Variants in RARA observed in about 807,000 individuals in gnomAD.
RARA encodes retinoic acid receptor alpha.
Under a neutral mutation model 42.8 loss-of-function variants are expected in RARA, and 5 were observed. That is an observed-to-expected ratio of 0.12 (90% confidence interval 0.06 to 0.25). The LOEUF is 0.25. RARA is among the 10% of genes least tolerant of loss of function. The pLI is 1.00. For synonymous variants in RARA, 256 were observed against 259.5 expected (o/e 0.99, Z 0.13); for missense variants, 402 against 628.7 (o/e 0.64, Z 3.86).
chr17:40,342,660 C>T (rs770589965), intron 2 of RARA: 5 of 1,566,698 alleles, frequency 3.2e-6, no homozygotes, highest in Non-Finnish European at 4.3e-6. Flanking sequence ...ACGGGGGCGG[C>T]GCGCAGGACT....
At chr17:40,350,954 A>ACCCCTTCTCCCTCCCACCGCCAACT (rs1231704848) in intron 4 of RARA, among the ~76,000 whole-genome samples, 2 of 148,956 alleles carry the variant, frequency 1.3e-5, no homozygotes, top group Non-Finnish European at 3.0e-5. Flanking sequence ...CAGGGAGGGG[A>ACCCCTTCTCCCTCCCACCGCCAACT]CCCCTTCTCC....
At chr17:40,331,445 C>T (rs750572564) in intron 2 of RARA, 49 bp downstream of exon 2, 232 of 1,573,226 alleles carry the variant, frequency 1.5e-4, no homozygotes, top group Non-Finnish European at 1.9e-4. Context: ...TGGAGGGTGG[C>T]AGGCCTCAGA....
chr17:40,323,343 G>C (rs1173206226), intron 1 of RARA: 1 of 152,262 alleles, frequency 6.6e-6, no homozygotes, highest in Admixed American at 6.5e-5. Flanking sequence ...GGGAACCTCT[G>C]TGCTCCCTAT....
chr17:40,346,236 C>T (rs2034261439), intron 2 of RARA, among the ~76,000 whole-genome samples: 1 of 152,172 alleles, frequency 6.6e-6, no homozygotes, highest in Non-Finnish European at 1.5e-5. Flanking sequence ...GGCCTTAGAG[C>T]TGTTTACCTC....
At position 40,355,235 on chromosome 17, in the gene RARA, T is replaced by TG. The variant is rs1325192613; in HGVS notation, c.1013-27dup. 2.6e-6 allele frequency: 4 copies of TG among 1,545,162 alleles called. No homozygotes were observed. Among genetic ancestry groups the TG allele is most frequent in the African/African-American group, 1.4e-5 (1 of 72,938 alleles). Reference sequence around the variant, plus strand: ...CTGGGGGTGCAGCTGTGTTCCCAGCTGCTCAGGGGGTGGTTCTGCTTCCTC... The same window carrying TG: ...CTGGGGGTGCAGCTGTGTTCCCAGCTGGCTCAGGGGGTGGTTCTGCTTCCTC... On this transcript the variant is annotated intron_variant, in intron 7 of 8. Transcript: ENST00000254066. The surrounding 1 kb of genome is among the most constrained non-coding windows in gnomAD (Gnocchi z 4.1).
rs185022017 is a variant in RARA, at chr17:40,349,478, T to G, written c.328-306T>G. The G allele has an allele frequency of 2.4e-4, 75 of 311,432 alleles. No homozygotes were observed. In the East Asian group the frequency reaches 3.8e-3, roughly 16 times the overall value. The allele number at this position is 311,432 out of a possible 1,614,324, so 19.3% of individuals were successfully genotyped here. On this transcript the variant is annotated intron_variant, in intron 3 of 8. Transcript: ENST00000254066. ...CTGTTGCCCAGTTAGCCCCATGTCT[T>G]CCTATTTCTGACTCACCAGCAGCCC...
chr17:40,319,397 G>A (rs1056821698), intron 1 of RARA, among the ~76,000 whole-genome samples: 2 of 152,156 alleles, frequency 1.3e-5, no homozygotes, highest in East Asian at 1.9e-4. Flanking sequence ...CAGTGTGATG[G>A]CCTGGAAGGG....
chr17:40,322,834 C>A (rs2033429343), intron 1 of RARA, among the ~76,000 whole-genome samples: 1 of 152,052 alleles, frequency 6.6e-6, no homozygotes, highest in African/African-American at 2.4e-5. Context: ...TCCTAGTGGT[C>A]CCCCTTCCCT....
intron 1 of RARA, among the ~76,000 whole-genome samples, chr17:40,309,604 C>A (rs1447350606): frequency 1.3e-5 from 2 of 152,202 alleles, no homozygotes; most frequent in Admixed American, 6.5e-5. Context: ...AATACCCCTT[C>A]CCCCACCTCA....
At chr17:40,341,693 G>A (rs1598565962) in intron 2 of RARA, 3 of 1,330,704 alleles carry the variant, frequency 2.3e-6, no homozygotes, top group East Asian at 6.2e-5. Context: ...AGGCAAATGA[G>A]GCCCGGCCTG....
chr17:40,352,542 C>T lies in RARA; in HGVS notation c.807+35C>T. 6.5e-7 allele frequency: 1 copy of T among 1,531,402 alleles called. No homozygotes were observed. Among genetic ancestry groups the T allele is most frequent in the Non-Finnish European group, 8.9e-7 (1 of 1,126,706 alleles). 94.9% of individuals were successfully genotyped at this position (1,531,402 alleles called of 1,614,324 possible). A position where few individuals can be genotyped will look rare whatever the true frequency, so the allele number is the denominator to read the frequency against. ...TGCACCCTGGCCCCCAGGCACTGCC[C>T]CTGTGTCCTGGGTAGATGTCCTTCC... On this transcript the variant is annotated intron_variant, in intron 6 of 8. Coordinates refer to ENST00000254066, the MANE Select transcript of RARA (RefSeq NM_000964.4). This position sits in a 1 kb window ranked among gnomAD's most constrained non-coding sequence, Gnocchi z 4.9.
At chr17:40,344,752 G>A (rs542878537) in intron 2 of RARA, among the ~76,000 whole-genome samples, 11 of 152,210 alleles carry the variant, frequency 7.2e-5, no homozygotes, top group Non-Finnish European at 1.5e-4. Flanking sequence ...TGAGTGAGGT[G>A]TCAGTGGACT....
chr17:40,334,983 G>A (rs2033804139), intron 2 of RARA, among the ~76,000 whole-genome samples: 1 of 152,170 alleles, frequency 6.6e-6, no homozygotes, highest in Non-Finnish European at 1.5e-5. Flanking sequence ...TGGCCCCTGG[G>A]GCTTGGTCTC....
rs1430953012 is a variant in RARA, at chr17:40,357,035, TC to T, written c.*812del. The T allele has an allele frequency of 2.6e-6, 1 of 382,842 alleles. No homozygotes were observed. The highest frequency in any genetic ancestry group is 4.8e-6 in the Non-Finnish European group (1 of 206,426). The allele number at this position is 382,842 out of a possible 1,614,324, so 23.7% of individuals were successfully genotyped here. ...ACTGGAGAAGCCGCCAGCCCCTTTCTCCCTCTGCCTGACCACTGGGTGTGGA... is the reference window on the plus strand; with the variant it reads ...ACTGGAGAAGCCGCCAGCCCCTTTCTCCTCTGCCTGACCACTGGGTGTGGA... On this transcript the variant is annotated 3_prime_UTR_variant, in exon 9 of 9. Coordinates refer to ENST00000254066, the MANE Select transcript of RARA (RefSeq NM_000964.4).
At chr17:40,347,863 G>T (rs148115882) in intron 2 of RARA, among the ~76,000 whole-genome samples, 1 of 151,926 alleles carries the variant, frequency 6.6e-6, no homozygotes, top group Non-Finnish European at 1.5e-5. Flanking sequence ...GGGAGTGGCC[G>T]GCTTTGAATA....
chr17:40,334,244 A>C (rs965968623), intron 2 of RARA, among the ~76,000 whole-genome samples: 6 of 152,158 alleles, frequency 3.9e-5, no homozygotes, highest in African/African-American at 1.2e-4. Context: ...GGGTGCCCAC[A>C]TTTCAGGCAA....
intron 1 of RARA, among the ~76,000 whole-genome samples, chr17:40,315,169 T>TACACACACACAC (rs1416920772): frequency 2.8e-5 from 3 of 107,390 alleles, no homozygotes; most frequent in African/African-American, 1.3e-4. Flanking sequence ...TATATATATA[T>TACACACACACAC]ATACACACAC....
At chr17:40,342,946 A>G in intron 2 of RARA, 1 of 1,529,380 alleles carries the variant, frequency 6.5e-7, no homozygotes, top group African/African-American at 1.4e-5. Flanking sequence ...CGGGGGTGAG[A>G]GTCCCGGGGT....
At position 40,349,767 on chromosome 17, in the gene RARA, C is replaced by G. The variant is rs1296610533; in HGVS notation, c.328-17C>G. The G allele has an allele frequency of 6.2e-7, 1 of 1,613,698 alleles. No individual in the cohort carries two copies. The highest frequency in any genetic ancestry group is 8.5e-7 in the Non-Finnish European group (1 of 1,179,746). ...CTGTGGGTGTGGACAACCTGACTCCCTCCCCTCCATACCCAGGGCTTCTTC... is the reference window on the plus strand; with the variant it reads ...CTGTGGGTGTGGACAACCTGACTCCGTCCCCTCCATACCCAGGGCTTCTTC... On this transcript the variant is annotated splice_polypyrimidine_tract_variant and intron_variant, in intron 3 of 8. Coordinates refer to ENST00000254066, the MANE Select transcript of RARA (RefSeq NM_000964.4).
Sources: allele counts gnomAD v4.1 joint callset (sites outside exome capture counted in the v4.1 genomes callset), GRCh38; gene constraint gnomAD v4.1.1; non-coding constraint Gnocchi (gnomAD v3.1); transcripts MANE v1.5; gene names NCBI Gene and HGNC (gene_info 2026-07-23, HGNC 2026-07-21).